The following ATP8A2 variants were observed in gnomAD, a reference collection of about 807,000 sequenced individuals.
The protein encoded by ATP8A2 is phospholipid-transporting ATPase IB.
ATP8A2 carries 100 observed loss-of-function variants against 165.6 expected under a neutral mutation model. The observed-to-expected ratio is 0.60, with a 90% confidence interval of 0.51 to 0.71. The LOEUF (loss-of-function observed/expected upper bound fraction) is 0.71. Among genes scored for constraint, ATP8A2 ranks in the 30% least tolerant of loss-of-function variants. The probability of loss-of-function intolerance (pLI) is 0.00; values close to 1 mark genes in which losing one functional copy is unlikely to be tolerated. For missense variants in ATP8A2, 1,227 were observed against 1,479.5 expected, an observed-to-expected ratio of 0.83 and a Z score of 2.80; for synonymous variants, 543 against 548.8, an observed-to-expected ratio of 0.99 and a Z score of 0.15.
chr13:25,374,555 G>C (rs2032548398), intron 1 of ATP8A2, among the ~76,000 whole-genome samples: 1 of 152,162 alleles, frequency 6.6e-6, no homozygotes, highest in African/African-American at 2.4e-5. Flanking sequence ...GGGAGCAGGG[G>C]GGAAGGCAGT....
At chr13:25,902,938 T>TACACACACACAC (rs1188149715) in intron 33 of ATP8A2, among the ~76,000 whole-genome samples, 1 of 88,300 alleles carries the variant, frequency 1.1e-5, no homozygotes, top group Non-Finnish European at 2.2e-5. Context: ...ATCCTCAGCA[T>TACACACACACAC]GCACACACAC....
intron 34 of ATP8A2, among the ~76,000 whole-genome samples, chr13:25,966,505 A>C (rs1037877116): frequency 1.3e-5 from 2 of 152,152 alleles, no homozygotes; most frequent in Admixed American, 1.3e-4. Context: ...GCCTCCCTTT[A>C]CTCAGGTGCT....
intron 33 of ATP8A2, among the ~76,000 whole-genome samples, chr13:25,882,512 T>A (rs1297986591): frequency 1.3e-5 from 2 of 152,168 alleles, no homozygotes; most frequent in African/African-American, 4.8e-5. Context: ...AAGAGAAAAT[T>A]GAATTATGTA....
At chr13:25,800,299 C>T (rs1037538225) in intron 27 of ATP8A2, among the ~76,000 whole-genome samples, 4 of 152,172 alleles carry the variant, frequency 2.6e-5, no homozygotes, top group Admixed American at 6.5e-5. Context: ...TGGTGGGAAC[C>T]AGTACCAGGA....
At chr13:25,430,994 A>AG (rs1382885627) in intron 1 of ATP8A2, among the ~76,000 whole-genome samples, 7 of 150,428 alleles carry the variant, frequency 4.7e-5, no homozygotes, top group African/African-American at 1.5e-4. Flanking sequence ...TTCCTTCCTA[A>AG]AACACACACA....
chr13:25,974,908 C>T (rs1955997512), intron 35 of ATP8A2, among the ~76,000 whole-genome samples: 1 of 152,158 alleles, frequency 6.6e-6, no homozygotes, highest in African/African-American at 2.4e-5. Flanking sequence ...CTTTGTGAAG[C>T]ACAGCCTCAT....
chr13:25,749,324 A>AG (rs2044105173), intron 25 of ATP8A2, among the ~76,000 whole-genome samples: 1 of 152,066 alleles, frequency 6.6e-6, no homozygotes, highest in Non-Finnish European at 1.5e-5. Flanking sequence ...AAGCTGGCAG[A>AG]GGGGAAGGAG....
intron 25 of ATP8A2, among the ~76,000 whole-genome samples, chr13:25,717,547 G>T (rs762214305): frequency 2.0e-5 from 3 of 151,990 alleles, no homozygotes; most frequent in Non-Finnish European, 4.4e-5. Context: ...AAGTGGTGGT[G>T]CCATGTGCTA....
chr13:25,996,741 T>G (rs925196997), intron 35 of ATP8A2, among the ~76,000 whole-genome samples: 5 of 152,164 alleles, frequency 3.3e-5, no homozygotes, highest in Admixed American at 2.0e-4. Flanking sequence ...TGGAGTGCAG[T>G]GGCACAATCT....
chr13:25,646,666 A>AG lies in ATP8A2; in HGVS notation c.2212-52507_2212-52506insG, dbSNP rs1170990600. 2.3e-5 allele frequency among the ~76,000 whole-genome samples: 3 copies of AG among 132,210 alleles called. 1 individual carries two copies. In the East Asian group the frequency reaches 6.5e-4, roughly 29 times the overall value. The allele number at this position is 132,210 out of a possible 152,430, so 86.7% of individuals were successfully genotyped here. On this transcript the variant is annotated intron_variant, in intron 24 of 36. Transcript: ENST00000381655. The stretch of plus-strand genomic sequence containing the variant: ...TGAGACTCCATCTCAAAAAAAAAAA[A>AG]AAAAACACACAAAAGAATCATTTAG...
chr13:25,927,630 C>T (rs990892917), intron 33 of ATP8A2, among the ~76,000 whole-genome samples: 1 of 152,206 alleles, frequency 6.6e-6, no homozygotes. Context: ...GTTATTAGTT[C>T]TTCATAGCAA....
chr13:25,436,862 G>A (rs1477788623), intron 1 of ATP8A2, among the ~76,000 whole-genome samples: 13 of 151,634 alleles, frequency 8.6e-5, no homozygotes, highest in Non-Finnish European at 1.6e-4. Flanking sequence ...CTGCAGCCTC[G>A]GCCTCTCAGG....
intron 36 of ATP8A2, among the ~76,000 whole-genome samples, chr13:26,015,309 G>A (rs1316531927): frequency 6.6e-6 from 1 of 152,138 alleles, no homozygotes; most frequent in Admixed American, 6.5e-5. Context: ...TGCAGGATGG[G>A]CATATAGCAG....
intron 25 of ATP8A2, among the ~76,000 whole-genome samples, chr13:25,732,864 A>G (rs1474975451): frequency 1.3e-5 from 2 of 152,224 alleles, no homozygotes; most frequent in Non-Finnish European, 1.5e-5. Context: ...CCTGGAAAGC[A>G]TAAACATTTG....
intron 10 of ATP8A2, among the ~76,000 whole-genome samples, chr13:25,549,317 G>A (rs562779875): frequency 3.5e-4 from 53 of 152,118 alleles, no homozygotes; most frequent in Admixed American, 1.0e-3. Flanking sequence ...AAAATTAGTC[G>A]GGCATGGTGG....
intron 24 of ATP8A2, among the ~76,000 whole-genome samples, chr13:25,631,493 T>C (rs2041240076): frequency 6.6e-6 from 1 of 152,180 alleles, no homozygotes; most frequent in Non-Finnish European, 1.5e-5. Context: ...TTTGAAGTCA[T>C]GTAAACTTTA....
chr13:25,806,616 C>T (rs1202133518), intron 27 of ATP8A2, among the ~76,000 whole-genome samples: 3 of 152,004 alleles, frequency 2.0e-5, no homozygotes, highest in Non-Finnish European at 4.4e-5. Flanking sequence ...TCAGATTAAC[C>T]TCTTGGTTTC....
intron 24 of ATP8A2, among the ~76,000 whole-genome samples, chr13:25,646,957 G>A (rs991161192): frequency 2.0e-5 from 3 of 152,106 alleles, no homozygotes; most frequent in Non-Finnish European, 2.9e-5. Context: ...ACTTCTGGCA[G>A]TCTATTTCAA....
At chr13:25,805,498 C>T (rs1296916150) in intron 27 of ATP8A2, among the ~76,000 whole-genome samples, 1 of 151,774 alleles carries the variant, frequency 6.6e-6, no homozygotes, top group Non-Finnish European at 1.5e-5. Context: ...GCCTGGGCAA[C>T]AGAGTAAGAC....
Sources: allele counts gnomAD v4.1 joint callset (sites outside exome capture counted in the v4.1 genomes callset), GRCh38; gene constraint gnomAD v4.1.1; transcripts MANE v1.5; gene names NCBI Gene and HGNC (gene_info 2026-07-23, HGNC 2026-07-21).